The following CTNNA2 variants were observed in gnomAD, a reference collection of about 807,000 sequenced individuals.
The protein encoded by CTNNA2 is catenin alpha 2, also known as catenin alpha-2.
CTNNA2 carries 42 observed loss-of-function variants against 101.0 expected under a neutral mutation model. That is an observed-to-expected ratio of 0.42 (90% CI 0.32 to 0.54). The LOEUF is 0.54. CTNNA2 is among the 20% of genes least tolerant of loss of function. The pLI, the probability that CTNNA2 is intolerant of heterozygous loss-of-function variation, is 0.14. For synonymous variants in CTNNA2, 450 were observed against 456.4 expected (o/e 0.99, Z 0.18); for missense variants, 871 against 1,223.1 (o/e 0.71, Z 4.29).
At position 79,349,015 on chromosome 2, in the gene CTNNA2, C is replaced by T. The variant is rs899223442; in HGVS notation, c.-317-24816C>T. Reference sequence around the variant, plus strand: ...TGTCAAAGATCATGGAATATCAATACAATATTAAGATAGAAGTCATGATAT... The same window carrying T: ...TGTCAAAGATCATGGAATATCAATATAATATTAAGATAGAAGTCATGATAT... On this transcript the variant is annotated intron_variant, in intron 3 of 21. Coordinates refer to the CTNNA2 transcript ENST00000466387. Among the ~76,000 whole-genome samples the T allele has an allele frequency of 8.5e-5, 13 of 152,276 alleles. No homozygotes were observed. In the South Asian group the frequency reaches 2.7e-3, roughly 32 times the overall value.
At chr2:79,800,183 G>T (rs922344649) in intron 3 of CTNNA2, among the ~76,000 whole-genome samples, 10 of 152,172 alleles carry the variant, frequency 6.6e-5, no homozygotes, top group Admixed American at 6.5e-4. Context: ...AATTTGAAAA[G>T]AAAATTTATT....
At chr2:79,833,359 T>C (rs930534944) in intron 3 of CTNNA2, among the ~76,000 whole-genome samples, 1 of 152,200 alleles carries the variant, frequency 6.6e-6, no homozygotes, top group Non-Finnish European at 1.5e-5. Context: ...ATGCCTTTTT[T>C]TTCTTTCCCT....
chr2:80,539,486 T>G (rs990382146), intron 9 of CTNNA2, among the ~76,000 whole-genome samples: 6 of 152,100 alleles, frequency 3.9e-5, no homozygotes, highest in African/African-American at 1.4e-4. Context: ...AAATAAATCT[T>G]GCAGGATGGA....
In CTNNA2 at chr2:80,555,849, A is replaced by G. The variant is rs1453268744; in HGVS notation, c.1697A>G (p.Tyr566Cys). 1.3e-6 allele frequency: 2 copies of G among 1,586,888 alleles called. No homozygotes were observed. The highest frequency in any genetic ancestry group is 1.7e-6 in the Non-Finnish European group (2 of 1,166,422). Residue 566 changes from tyrosine to cysteine, a missense_variant, in exon 12 of 19, where the codon TAT (tyrosine) becomes TGT (cysteine). Coordinates refer to ENST00000402739, the MANE Select transcript of CTNNA2 (RefSeq NM_001282597.3). ...ATGGAGAACTATGAAGCTGGGGTTTATACTGAGAAGGTGTTGGAAGCTACA... is the reference window on the plus strand; with the variant it reads ...ATGGAGAACTATGAAGCTGGGGTTTGTACTGAGAAGGTGTTGGAAGCTACA... Reference protein sequence around the residue: ...AEMENYEAGVYTEKVLEATKL... With the variant: ...AEMENYEAGVCTEKVLEATKL...
chr2:80,474,030 A>T (rs1401953539), intron 9 of CTNNA2, among the ~76,000 whole-genome samples: 1 of 152,198 alleles, frequency 6.6e-6, no homozygotes, highest in African/African-American at 2.4e-5. Flanking sequence ...CCCTTGGATG[A>T]TCAGTTCTCT....
chr2:80,293,762 G>A (rs1675476075), intron 7 of CTNNA2, among the ~76,000 whole-genome samples: 1 of 152,170 alleles, frequency 6.6e-6, no homozygotes, highest in Non-Finnish European at 1.5e-5. Context: ...AAGAGCTGGT[G>A]GCAAATCTGC....
chr2:80,211,219 A>G (rs1707868254), intron 7 of CTNNA2, among the ~76,000 whole-genome samples: 2 of 152,168 alleles, frequency 1.3e-5, no homozygotes, highest in Admixed American at 6.5e-5. Flanking sequence ...TCTTTAGTTT[A>G]AATATATCCC....
At chr2:80,001,267 A>G (rs1346186105) in intron 7 of CTNNA2, among the ~76,000 whole-genome samples, 1 of 152,272 alleles carries the variant, frequency 6.6e-6, no homozygotes, top group Non-Finnish European at 1.5e-5. Flanking sequence ...AAGGTGTCCA[A>G]AGTGAAATAT....
rs571539432 is a variant in CTNNA2, at chr2:79,639,389, T to C, written c.-5-12163T>C. On this transcript the variant is annotated intron_variant, in intron 1 of 18. Transcript: ENST00000402739. ...GAATGAAGGAAGAGACAGAAAACTT[T>C]TATTTAACAATGCATTATGGGATTG... is the stretch of plus-strand genomic sequence containing the variant. Among the ~76,000 whole-genome samples, 17 of 152,306 alleles carry C rather than the reference T, an allele frequency of 1.1e-4. No individual in the cohort carries two copies. In the South Asian group the frequency reaches 3.1e-3, roughly 28 times the overall value.
intron 3 of CTNNA2, among the ~76,000 whole-genome samples, chr2:79,821,968 G>A (rs1029135507): frequency 2.0e-5 from 3 of 152,070 alleles, no homozygotes; most frequent in African/African-American, 4.8e-5. Context: ...GAAGTAGAAT[G>A]ATGTATTTTA....
intron 7 of CTNNA2, among the ~76,000 whole-genome samples, chr2:79,928,556 T>C (rs1188971818): frequency 6.6e-6 from 1 of 152,194 alleles, no homozygotes; most frequent in African/African-American, 2.4e-5. Flanking sequence ...TTGATTAAGA[T>C]GAATCTGAGT....
chr2:80,413,915 C>CTTAACAAGAT (rs1679810088), intron 8 of CTNNA2, among the ~76,000 whole-genome samples: 1 of 152,138 alleles, frequency 6.6e-6, no homozygotes, highest in African/African-American at 2.4e-5. Flanking sequence ...GAAGTTAACA[C>CTTAACAAGAT]TATTATTCTT....
chr2:79,686,104 G>A (rs1683912211), intron 2 of CTNNA2, among the ~76,000 whole-genome samples: 1 of 152,110 alleles, frequency 6.6e-6, no homozygotes, highest in Non-Finnish European at 1.5e-5. Context: ...TGAGCATAGA[G>A]TGATTAAGAA....
chr2:79,853,708 G>C (rs1415994125), intron 3 of CTNNA2, among the ~76,000 whole-genome samples: 1 of 130,522 alleles, frequency 7.7e-6, no homozygotes, highest in African/African-American at 2.9e-5. Context: ...CACTCTTGTT[G>C]CCCATGTTGG....
intron 3 of CTNNA2, among the ~76,000 whole-genome samples, chr2:79,800,517 C>T (rs920812820): frequency 3.3e-5 from 5 of 152,046 alleles, no homozygotes; most frequent in African/African-American, 7.3e-5. Flanking sequence ...AAAAAAAAGT[C>T]AGCTCAGATA....
chr2:80,482,173 ATCC>A (rs549114948), intron 9 of CTNNA2, among the ~76,000 whole-genome samples: 1 of 151,976 alleles, frequency 6.6e-6, no homozygotes, highest in Non-Finnish European at 1.5e-5. Context: ...TGGTGATCCA[ATCC>A]TCCTCCTCCT....
rs139494353 is a variant in CTNNA2 at position 79,192,442 on chromosome 2, T to C, written c.-523-5517T>C. Among the ~76,000 whole-genome samples the C allele has an allele frequency of 4.8e-3, 727 of 152,302 alleles. 2 individuals carry two copies. Among genetic ancestry groups the C allele is most frequent in the Non-Finnish European group, 8.1e-3 (551 of 68,022 alleles). ...AAAGCAGTTAAACTACATCAGGCCA[T>C]GATGGTCTGGGTAGACATCAACTAA... On this transcript the variant is annotated intron_variant, in intron 1 of 21. Transcript: ENST00000466387.
chr2:80,241,619 C>CTATCTATA (rs1558934234), intron 7 of CTNNA2, among the ~76,000 whole-genome samples: 1 of 151,402 alleles, frequency 6.6e-6, no homozygotes, highest in East Asian at 1.9e-4. Context: ...ATCTATCTAT[C>CTATCTATA]TATCTATCAT....
intron 8 of CTNNA2, among the ~76,000 whole-genome samples, chr2:80,413,038 T>A (rs1431098883): frequency 6.6e-6 from 1 of 152,144 alleles, no homozygotes; most frequent in African/African-American, 2.4e-5. Flanking sequence ...GATAGAAGAA[T>A]AAGGTTATTC....
Sources: gnomAD v4.1 joint callset for allele counts (sites outside exome capture counted in the v4.1 genomes callset) on GRCh38, gnomAD v4.1.1 for gene constraint, MANE v1.5 for transcripts, NCBI Gene and HGNC (gene_info 2026-07-23, HGNC 2026-07-21) for gene names.